The following SPTBN1 variants were observed in gnomAD, a reference collection of about 807,000 sequenced individuals.
SPTBN1 encodes the protein spectrin beta chain, non-erythrocytic 1.
SPTBN1 carries 32 observed loss-of-function variants against 266.4 expected under a neutral mutation model. The ratio of observed to expected loss-of-function variants is 0.12; its 90% CI spans 0.09 to 0.16. The LOEUF (loss-of-function observed/expected upper bound fraction) is 0.16. Ranked by LOEUF, SPTBN1 falls within the 10% of genes least tolerant of loss-of-function variation. The probability of loss-of-function intolerance (pLI) is 1.00; values close to 1 mark genes in which losing one functional copy is unlikely to be tolerated. For synonymous variants in SPTBN1, 1,336 were observed against 1,162.2 expected (o/e 1.15, Z -3.04); for missense variants, 2,296 against 3,067.1 (o/e 0.75, Z 5.94).
intron 1 of SPTBN1, among the ~76,000 whole-genome samples, chr2:54,509,576 T>G (rs1256644299): frequency 6.6e-6 from 1 of 152,216 alleles, no homozygotes; most frequent in East Asian, 1.9e-4. Context: ...GTCCTTATCT[T>G]TAAAATCACA....
chr2:54,589,602 C>T (rs980679142), intron 2 of SPTBN1, among the ~76,000 whole-genome samples: 1 of 152,218 alleles, frequency 6.6e-6, no homozygotes, highest in Non-Finnish European at 1.5e-5. Context: ...GCAAGTTAAA[C>T]AGTTAAGGAA....
intron 2 of SPTBN1, 112 bp downstream of exon 2, chr2:54,526,678 C>T: frequency 7.6e-7 from 1 of 1,315,560 alleles, no homozygotes; most frequent in Non-Finnish European, 1.0e-6. Context: ...TGTCTCACTT[C>T]TATTTAAATG....
At chr2:54,663,439 G>A (rs2104242462) in intron 32 of SPTBN1, 1 of 152,282 alleles carries the variant, frequency 6.6e-6, no homozygotes, top group East Asian at 1.9e-4. Context: ...ACAGTTAATG[G>A]TACACAGTTG....
intron 31 of SPTBN1, among the ~76,000 whole-genome samples, chr2:54,659,569 G>T (rs1209943964): frequency 6.6e-6 from 1 of 151,330 alleles, no homozygotes; most frequent in East Asian, 1.9e-4. Flanking sequence ...GGAGTGAACT[G>T]CCCAGATTTT....
At chr2:54,644,655 C>T in intron 20 of SPTBN1, 69 bp downstream of exon 20, 2 of 1,521,134 alleles carry the variant, frequency 1.3e-6, no homozygotes, top group Non-Finnish European at 8.8e-7. Context: ...AGAGTCTTTT[C>T]TCACCCACTG....
chr2:54,567,832 T>C (rs1673767821), intron 2 of SPTBN1, among the ~76,000 whole-genome samples: 1 of 152,122 alleles, frequency 6.6e-6, no homozygotes, highest in South Asian at 2.1e-4. Context: ...ATGATGATCG[T>C]TTTGGAGGGT....
intron 2 of SPTBN1, among the ~76,000 whole-genome samples, chr2:54,588,902 A>G (rs547998637): frequency 7.2e-5 from 11 of 151,898 alleles, no homozygotes; most frequent in African/African-American, 9.7e-5. Flanking sequence ...ACCTTACACT[A>G]TTGGTTTTTT....
At chr2:54,574,435 C>T (rs1674318328) in intron 2 of SPTBN1, among the ~76,000 whole-genome samples, 1 of 152,204 alleles carries the variant, frequency 6.6e-6, no homozygotes, top group Admixed American at 6.5e-5. Flanking sequence ...AGTCTCCTAG[C>T]AGCAGCCTAC....
At position 54,628,531 on chromosome 2, in the gene SPTBN1, C is replaced by T. The variant is rs928590498; in HGVS notation, c.1798+281C>T. Among the ~76,000 whole-genome samples, 8 of 152,152 alleles carry T rather than the reference C, an allele frequency of 5.3e-5. No homozygotes were observed. Among genetic ancestry groups the T allele is most frequent in the Non-Finnish European group, 1.2e-4 (8 of 68,036 alleles). ...TACCTCAGTCTCTCTGGCCATGCAC[C>T]GACACCCTGGTGTGGCTGTTCCAGC... On this transcript the variant is annotated intron_variant, in intron 13 of 35. Transcript: ENST00000356805. The surrounding 1 kb of genome is among the most constrained non-coding windows in gnomAD (Gnocchi z 4.3).
chr2:54,575,595 A>AGC lies in SPTBN1; in HGVS notation c.149-23495_149-23494dup, dbSNP rs570433211. Among the ~76,000 whole-genome samples the AGC allele has an allele frequency of 1.3e-3, 197 of 152,308 alleles. 2 individuals carry two copies. The highest frequency in any genetic ancestry group is 4.1e-3 in the African/African-American group (172 of 41,532). On this transcript the variant is annotated intron_variant, in intron 2 of 35. Coordinates refer to ENST00000356805, the MANE Select transcript of SPTBN1 (RefSeq NM_003128.3). The stretch of plus-strand genomic sequence containing the variant: ...CATAGCTTAAATTCAGGTGATATTG[A>AGC]GCGTTGACATATCAGGATTCTTTTG...
chr2:54,562,696 TTGTGTGTG>T lies in SPTBN1; in HGVS notation c.148+36162_148+36169del, dbSNP rs55947327. 2.5e-4 allele frequency among the ~76,000 whole-genome samples: 31 copies of T among 122,626 alleles called. 1 individual carries two copies. The highest frequency in any genetic ancestry group is 1.1e-3 in the South Asian group (4 of 3,568). The allele number at this position is 122,626 out of a possible 152,430, so 80.4% of individuals were successfully genotyped here. A position where few individuals can be genotyped will look rare whatever the true frequency, so the allele number is the denominator to read the frequency against. ...CAGGCACTTGCCACCAAACCCTGCT[TTGTGTGTG>T]TGTGTGTGTGTGTGTGTGTGTGTGT... On this transcript the variant is annotated intron_variant, in intron 2 of 35. Coordinates refer to ENST00000356805, the MANE Select transcript of SPTBN1 (RefSeq NM_003128.3).
intron 16 of SPTBN1, among the ~76,000 whole-genome samples, chr2:54,632,126 A>G (rs1394345438): frequency 6.8e-6 from 1 of 147,628 alleles, no homozygotes; most frequent in Admixed American, 6.7e-5. Flanking sequence ...TTTTTTCTTG[A>G]GACCAGTCTG....
chr2:54,627,953 A>T, intron 12 of SPTBN1, 144 bp from the exon 13 acceptor site: 1 of 893,846 alleles, frequency 1.1e-6, no homozygotes, highest in East Asian at 3.0e-5. Flanking sequence ...GTTGGCCATC[A>T]TCTTCCCCTG....
Position 54,646,737 on chromosome 2 carries a change from CTATT to C in SPTBN1, c.4866+266_4866+269del, listed in dbSNP as rs1450924911. On this transcript the variant is annotated intron_variant, in intron 23 of 35. Coordinates refer to ENST00000356805, the MANE Select transcript of SPTBN1 (RefSeq NM_003128.3). The surrounding 1 kb of genome is among the most constrained non-coding windows in gnomAD (Gnocchi z 4.4). ...AATATGCCAGAGTCCTTCCTGCTGTCTATTTATAGGTTCCCTAAACTTTACAAAA... is the reference window on the plus strand; with the variant it reads ...AATATGCCAGAGTCCTTCCTGCTGTCTATAGGTTCCCTAAACTTTACAAAA... Among the ~76,000 whole-genome samples the C allele has an allele frequency of 2.0e-5, 3 of 152,196 alleles. No homozygotes were observed. Among genetic ancestry groups the C allele is most frequent in the African/African-American group, 7.2e-5 (3 of 41,442 alleles).
At chr2:54,572,492 ACT>A (rs1359002873) in intron 2 of SPTBN1, among the ~76,000 whole-genome samples, 1 of 152,120 alleles carries the variant, frequency 6.6e-6, no homozygotes, top group South Asian at 2.1e-4. Context: ...GTTAAATCAC[ACT>A]CTGAGCAAAT....
intron 1 of SPTBN1, 78 bp from the exon 2 acceptor site, chr2:54,526,294 T>C: frequency 8.5e-7 from 1 of 1,176,168 alleles, no homozygotes; most frequent in Middle Eastern, 2.2e-4. Context: ...TATTTTCTGC[T>C]CACTCTTATC....
Position 54,668,603 on chromosome 2 carries a change from C to G in SPTBN1, c.*34C>G. 1 of 1,562,814 alleles carries G rather than the reference C, an allele frequency of 6.4e-7. No homozygotes were observed. The highest frequency in any genetic ancestry group is 8.7e-7 in the Non-Finnish European group (1 of 1,150,650). Reference sequence around the variant, plus strand: ...CCTTCACCTCCTGCCCTTCTCTTACCTTTTCAGTGAAATTCCAGCATGCAA... The same window carrying G: ...CCTTCACCTCCTGCCCTTCTCTTACGTTTTCAGTGAAATTCCAGCATGCAA... On this transcript the variant is annotated 3_prime_UTR_variant, in exon 36 of 36. Coordinates refer to ENST00000356805, the MANE Select transcript of SPTBN1 (RefSeq NM_003128.3).
chr2:54,512,454 G>A (rs746518799), intron 1 of SPTBN1, among the ~76,000 whole-genome samples: 1 of 152,204 alleles, frequency 6.6e-6, no homozygotes, highest in South Asian at 2.1e-4. Context: ...ATTTAATAAA[G>A]TGTAAATCTC....
In SPTBN1 at chr2:54,628,335, G is replaced by A. The variant is rs139465464; in HGVS notation, c.1798+85G>A. The A allele has an allele frequency of 6.9e-6, 10 of 1,459,744 alleles. No individual in the cohort carries two copies. The African/African-American group carries it at 7.1e-5, about 10-fold the overall frequency. The allele number at this position is 1,459,744 out of a possible 1,614,324, so 90.4% of individuals were successfully genotyped here. Reference sequence around the variant, plus strand: ...ACACAGTGGGGCTTTTGAAGTTACTGTGCCACTATACATTCCTGGTGGGTT... The same window carrying A: ...ACACAGTGGGGCTTTTGAAGTTACTATGCCACTATACATTCCTGGTGGGTT... On this transcript the variant is annotated intron_variant, in intron 13 of 35. Coordinates refer to ENST00000356805, the MANE Select transcript of SPTBN1 (RefSeq NM_003128.3). This position sits in a 1 kb window ranked among gnomAD's most constrained non-coding sequence, Gnocchi z 4.3.
Sources: gnomAD v4.1 joint callset for allele counts (sites outside exome capture counted in the v4.1 genomes callset) on GRCh38, gnomAD v4.1.1 for gene constraint, Gnocchi (gnomAD v3.1) non-coding constraint, MANE v1.5 for transcripts, NCBI Gene and HGNC (gene_info 2026-07-23, HGNC 2026-07-21) for gene names.